COL4A5: variants seen among roughly 807,000 people sequenced by gnomAD.
The protein encoded by COL4A5 is collagen type IV alpha 5 chain, also known as collagen alpha-5(IV) chain.
Under a neutral mutation model 130.2 loss-of-function variants are expected in COL4A5, and 26 were observed. The ratio of observed to expected loss-of-function variants is 0.20; its 90% confidence interval spans 0.15 to 0.28. The LOEUF (loss-of-function observed/expected upper bound fraction) is 0.28. Among genes scored for constraint, COL4A5 ranks in the 10% least tolerant of loss-of-function variants. The pLI is 1.00. For missense variants in COL4A5, 1,131 were observed against 1,344.3 expected (o/e 0.84, Z 2.48); for synonymous variants, 496 against 439.6 (o/e 1.13, Z -1.60).
chrX:108,677,764 A>T, intron 44 of COL4A5, 131 bp downstream of exon 44: 2 of 825,972 alleles, frequency 2.4e-6, no homozygotes, highest in East Asian at 7.0e-5. Context: ...CTGGCGAATT[A>T]AAAAGACAGT....
chrX:108,647,173 G>C (rs1337990233), intron 36 of COL4A5, among the ~76,000 whole-genome samples: 16 of 110,811 alleles, frequency 1.4e-4, no homozygotes, highest in Non-Finnish European at 2.8e-4. Context: ...ACCTTGGGCA[G>C]TATGGCCATT....
intron 42 of COL4A5, among the ~76,000 whole-genome samples, chrX:108,673,513 GA>G (rs1374583175): frequency 9.1e-6 from 1 of 110,426 alleles, no homozygotes; most frequent in African/African-American, 3.3e-5. Context: ...TTTTAATAGT[GA>G]ATAGCCTGTC....
chrX:108,665,639 A>T, intron 38 of COL4A5, 52 bp downstream of exon 38: 1 of 919,533 alleles, frequency 1.1e-6, no homozygotes, highest in Non-Finnish European at 1.6e-6. Context: ...TGTTTATCAT[A>T]TTAAGTTTGG....
At chrX:108,510,789 G>C (rs1420810934) in intron 1 of COL4A5, among the ~76,000 whole-genome samples, 1 of 111,183 alleles carries the variant, frequency 9.0e-6, no homozygotes, top group Non-Finnish European at 1.9e-5. Context: ...TTTTGCTTTA[G>C]TTCCTCTATT....
intron 2 of COL4A5, among the ~76,000 whole-genome samples, chrX:108,554,671 G>T (rs1569485776): frequency 9.0e-6 from 1 of 111,219 alleles, no homozygotes; most frequent in Non-Finnish European, 1.9e-5. Context: ...TATCAACCTG[G>T]GCAACATGGT....
chrX:108,498,875 A>G (rs1164407719), intron 1 of COL4A5, among the ~76,000 whole-genome samples: 1 of 111,248 alleles, frequency 9.0e-6, no homozygotes, highest in Non-Finnish European at 1.9e-5. Flanking sequence ...TACAAAATTT[A>G]CTTGTTTAAA....
intron 47 of COL4A5, 36 bp downstream of exon 47, chrX:108,681,924 A>G (rs2068440914): frequency 2.6e-6 from 3 of 1,156,942 alleles, no homozygotes; most frequent in Non-Finnish European, 3.5e-6. Context: ...TCATTATTAT[A>G]CTTTTAATTT....
At chrX:108,491,808 A>G (rs778642688) in intron 1 of COL4A5, among the ~76,000 whole-genome samples, 1 of 111,500 alleles carries the variant, frequency 9.0e-6, no homozygotes, top group Non-Finnish European at 1.9e-5. Flanking sequence ...TGTGTTGTGG[A>G]TCTGAGGGAC....
rs1437679976 is a variant in COL4A5, at chrX:108,680,686, C to G, written c.3950C>G (p.Pro1317Arg). Residue 1317 changes from proline to arginine, a missense_variant, in exon 45 of 53, where the codon CCT (proline) becomes CGT (arginine). Transcript: ENST00000328300. Reference protein sequence around the residue: ...DQGPPGLQGNPGRPGLNGMKG... With the variant: ...DQGPPGLQGNRGRPGLNGMKG... ...ATGATTTTATTTATTCAGGGTAATC[C>G]TGGCCGGCCGGGTCTCAATGGAATG... is the stretch of plus-strand genomic sequence containing the variant. 1 of 1,209,296 alleles carries G rather than the reference C, an allele frequency of 8.3e-7. No individual in the cohort carries two copies. Among genetic ancestry groups the G allele is most frequent in the East Asian group, 3.0e-5 (1 of 33,786 alleles).
rs369668204 is a variant in COL4A5, at chrX:108,586,664, T to C, written c.1082T>C (p.Ile361Thr). ...TGITIGEKGNIGLPGLPGEKG... is the reference protein window; with the variant it reads ...TGITIGEKGNTGLPGLPGEKG... ...ATAACTATAGGAGAAAAAGGAAACA[T>C]TGGGTTGCCTGGGTTGCCTGGAGAA... Residue 361 changes from isoleucine to threonine, a missense_variant, in exon 19 of 53, where the codon ATT becomes ACT. Coordinates refer to ENST00000328300, the MANE Select transcript of COL4A5 (RefSeq NM_033380.3). 2.5e-6 allele frequency: 3 copies of C among 1,207,698 alleles called. No homozygotes were observed. Among genetic ancestry groups the C allele is most frequent in the African/African-American group, 1.7e-5 (1 of 57,499 alleles).
rs200151467 is a variant in COL4A5, at chrX:108,578,072, C to G, written c.646-6C>G. On this transcript the variant is annotated splice_region_variant and splice_polypyrimidine_tract_variant and intron_variant, in intron 11 of 52. Coordinates refer to ENST00000328300, the MANE Select transcript of COL4A5 (RefSeq NM_033380.3). ...GAGATTTTTAAATGGAAACTTCTCT[C>G]TCCAGGGGAATATGGGCTTAAATTT... 8.3e-7 allele frequency: 1 copy of G among 1,209,707 alleles called. No individual in the cohort carries two copies. Among genetic ancestry groups the G allele is most frequent in the Admixed American group, 2.2e-5 (1 of 45,969 alleles).
intron 37 of COL4A5, among the ~76,000 whole-genome samples, chrX:108,661,911 A>G (rs1303963634): frequency 9.1e-6 from 1 of 109,972 alleles, no homozygotes; most frequent in Non-Finnish European, 1.9e-5. Context: ...TTCATTTAGT[A>G]TTTCTTTTTT....
chrX:108,523,042 A>G (rs2065280079), intron 1 of COL4A5, among the ~76,000 whole-genome samples: 1 of 107,749 alleles, frequency 9.3e-6, no homozygotes, highest in Admixed American at 1.0e-4. Context: ...ACCATGCCCT[A>G]ATTTTTGTAT....
chrX:108,524,199 G>A (rs1011414063), intron 1 of COL4A5, among the ~76,000 whole-genome samples: 2 of 111,724 alleles, frequency 1.8e-5, no homozygotes, highest in Non-Finnish European at 3.8e-5. Flanking sequence ...AGAACCTGTA[G>A]GATTATGTGG....
At chrX:108,557,599 A>G (rs2065840737) in intron 2 of COL4A5, among the ~76,000 whole-genome samples, 1 of 111,640 alleles carries the variant, frequency 9.0e-6, no homozygotes, top group Admixed American at 9.5e-5. Context: ...TATTCAGCAT[A>G]AAATCATCTA....
intron 19 of COL4A5, among the ~76,000 whole-genome samples, chrX:108,588,993 A>G (rs774423862): frequency 6.3e-5 from 7 of 111,899 alleles, no homozygotes; most frequent in Non-Finnish European, 1.1e-4. Flanking sequence ...GGAATTCTGG[A>G]TAAAATGAGA....
chrX:108,536,603 A>G (rs1326618398), intron 1 of COL4A5, among the ~76,000 whole-genome samples: 1 of 111,049 alleles, frequency 9.0e-6, no homozygotes, highest in Non-Finnish European at 1.9e-5. Context: ...TAGCATGGCA[A>G]TTTTTCCTCT....
At chrX:108,604,553 A>G (rs1322043221) in intron 28 of COL4A5, among the ~76,000 whole-genome samples, 3 of 112,222 alleles carry the variant, frequency 2.7e-5, no homozygotes, top group African/African-American at 9.7e-5. Flanking sequence ...GGCAGAGTAG[A>G]TATACCATAA....
chrX:108,681,510 CTGAG>C (rs1392366610), intron 46 of COL4A5, among the ~76,000 whole-genome samples: 3 of 111,360 alleles, frequency 2.7e-5, no homozygotes, highest in Non-Finnish European at 3.8e-5. Context: ...TTTGTAGTAA[CTGAG>C]TAAGATTCAA....
Sources: gnomAD v4.1 joint callset for allele counts (sites outside exome capture counted in the v4.1 genomes callset) on GRCh38, gnomAD v4.1.1 for gene constraint, MANE v1.5 for transcripts, NCBI Gene and HGNC (gene_info 2026-07-23, HGNC 2026-07-21) for gene names.